STRN: variants seen among roughly 807,000 people sequenced by gnomAD.
STRN encodes protein phosphatase 2 regulatory subunit B'''alpha.
A neutral mutation model predicts 96.3 loss-of-function variants in STRN; 53 were observed. The observed-to-expected ratio is 0.55, with a 90% confidence interval of 0.44 to 0.69. The LOEUF (loss-of-function observed/expected upper bound fraction) is 0.69. Among genes scored for constraint, STRN ranks in the 30% least tolerant of loss-of-function variants. STRN has a pLI of 0.00. For synonymous variants in STRN, 428 were observed against 355.9 expected (o/e 1.20, Z -2.28); for missense variants, 987 against 963.9 (o/e 1.02, Z -0.32).
chr2:36,839,617 A>C lies in STRN; in HGVS notation c.*9839T>G, dbSNP rs1667899062. ...ATCCCCATTTCATAGATGAGAAGCC[A>C]ATTTAGAAGAGTTGACTTGTCTAAA... On this transcript the variant is annotated 3_prime_UTR_variant, in exon 18 of 18. Coordinates refer to ENST00000263918, the MANE Select transcript of STRN (RefSeq NM_003162.4). Among the ~76,000 whole-genome samples the C allele has an allele frequency of 6.6e-6, 1 of 152,208 alleles. No homozygotes were observed. Among genetic ancestry groups the C allele is most frequent in the Non-Finnish European group, 1.5e-5 (1 of 68,028 alleles).
At chr2:36,943,129 A>G (rs1670887306) in intron 1 of STRN, among the ~76,000 whole-genome samples, 1 of 152,206 alleles carries the variant, frequency 6.6e-6, no homozygotes, top group African/African-American at 2.4e-5. Flanking sequence ...AGAGTTCAGT[A>G]AACTATATTT....
At chr2:36,850,566 T>G (rs1056979718) in intron 16 of STRN, among the ~76,000 whole-genome samples, 4 of 152,200 alleles carry the variant, frequency 2.6e-5, no homozygotes, top group African/African-American at 9.7e-5. Context: ...TATTTGGTAA[T>G]GGAATAATTG....
chr2:36,866,337 G>C (rs775058330), intron 12 of STRN, among the ~76,000 whole-genome samples: 15 of 152,172 alleles, frequency 9.9e-5, no homozygotes, highest in Non-Finnish European at 2.1e-4. Flanking sequence ...AAAGTGCTGG[G>C]ATTACAAGCA....
intron 2 of STRN, among the ~76,000 whole-genome samples, chr2:36,924,876 G>T (rs10171853): frequency 0.03 from 4,593 of 152,248 alleles, 80 homozygotes; most frequent in African/African-American, 0.045. Context: ...GACCAACATG[G>T]GGAAACCATG....
intron 1 of STRN, among the ~76,000 whole-genome samples, chr2:36,946,562 C>CGT (rs142362080): frequency 3.3e-5 from 5 of 151,998 alleles, no homozygotes; most frequent in Non-Finnish European, 5.9e-5. Context: ...AAAAATCCCA[C>CGT]GTGTGTGTGT....
At chr2:36,897,984 C>T (rs544880216) in intron 6 of STRN, among the ~76,000 whole-genome samples, 9 of 152,186 alleles carry the variant, frequency 5.9e-5, no homozygotes, top group South Asian at 2.1e-4. Flanking sequence ...AGCCACTGCA[C>T]GCAGCACAGA....
At chr2:36,853,898 C>G (rs1668279743) in intron 15 of STRN, among the ~76,000 whole-genome samples, 1 of 152,090 alleles carries the variant, frequency 6.6e-6, no homozygotes, top group Non-Finnish European at 1.5e-5. Flanking sequence ...GGACATATTA[C>G]AACTCAAAAT....
intron 1 of STRN, among the ~76,000 whole-genome samples, chr2:36,942,456 A>G (rs1247537836): frequency 6.6e-6 from 1 of 152,154 alleles, no homozygotes; most frequent in African/African-American, 2.4e-5. Flanking sequence ...TTGGGTATTT[A>G]GTTTGTTTGT....
Position 36,947,021 on chromosome 2 carries a change from G to C in STRN, c.234+19209C>G, listed in dbSNP as rs552699100. Among the ~76,000 whole-genome samples the C allele has an allele frequency of 4.0e-5, 6 of 151,892 alleles. No individual in the cohort carries two copies. In the South Asian group the frequency reaches 1.2e-3, roughly 32 times the overall value. ...AGTGATTCTCCTTCCTGAGCCTCCT[G>C]AGTAGCAGGGACTACAGGCACGTGC... On this transcript the variant is annotated intron_variant, in intron 1 of 17. Coordinates refer to ENST00000263918, the MANE Select transcript of STRN (RefSeq NM_003162.4).
intron 1 of STRN, among the ~76,000 whole-genome samples, chr2:36,963,632 T>A (rs1186653619): frequency 6.6e-6 from 1 of 152,142 alleles, no homozygotes; most frequent in African/African-American, 2.4e-5. Flanking sequence ...GAAACTTTAA[T>A]TGGAACACAA....
In STRN at chr2:36,877,903, T is replaced by C. The variant is rs763978813; in HGVS notation, c.1311A>G (p.Ser437=). Residue 437 remains serine (S), a synonymous_variant, in exon 10 of 18, where the codon TCA becomes TCG. Coordinates refer to ENST00000263918, the MANE Select transcript of STRN (RefSeq NM_003162.4). The part of the protein sequence containing the change: ...AGLTVANEAD[S]LTYDIANNKD... ...AACTACTACTTACATCATAAGTTAG[T>C]GAGTCTGCTTCATTGGCCACCGTAA... is the stretch of plus-strand genomic sequence containing the variant. 9 of 1,614,102 alleles carry C rather than the reference T, an allele frequency of 5.6e-6. No individual in the cohort carries two copies. In the South Asian group the frequency reaches 8.8e-5, roughly 16 times the overall value.
At chr2:36,856,354 T>C (rs545248537) in intron 14 of STRN, among the ~76,000 whole-genome samples, 20 of 152,344 alleles carry the variant, frequency 1.3e-4, no homozygotes, top group East Asian at 1.9e-4. Flanking sequence ...TGAATGTTCA[T>C]AGCAGCCTTG....
intron 6 of STRN, among the ~76,000 whole-genome samples, chr2:36,896,892 G>C (rs1669554336): frequency 6.6e-6 from 1 of 152,184 alleles, no homozygotes; most frequent in Non-Finnish European, 1.5e-5. Context: ...TAAGGGCCAA[G>C]TGCAGTGACT....
Position 36,877,964 on chromosome 2 carries a change from A to G in STRN, c.1250T>C (p.Leu417Pro). Residue 417 changes from leucine (L) to proline (P), a missense_variant, in exon 10 of 18, where the codon CTT becomes CCT. By Grantham distance (98) the Leu-to-Pro change is moderately conservative. Coordinates refer to ENST00000263918, the MANE Select transcript of STRN (RefSeq NM_003162.4). ...KSFIMGADEA[L>P]ESELGLGELA... ...TTCTCCAAGTCCCAGTTCACTTTCA[A>G]GGGCTTCATCTGCTCCCATGATGAA... The G allele has an allele frequency of 6.2e-7, 1 of 1,614,198 alleles. No individual in the cohort carries two copies. Among genetic ancestry groups the G allele is most frequent in the Non-Finnish European group, 8.5e-7 (1 of 1,180,036 alleles).
chr2:36,885,265 T>G (rs1334597475), intron 8 of STRN, among the ~76,000 whole-genome samples: 1 of 152,156 alleles, frequency 6.6e-6, no homozygotes, highest in Non-Finnish European at 1.5e-5. Context: ...CCTTTCCAAC[T>G]AAAGGATCTT....
chr2:36,936,808 T>C (rs1453632569), intron 1 of STRN, among the ~76,000 whole-genome samples: 1 of 152,178 alleles, frequency 6.6e-6, no homozygotes, highest in East Asian at 1.9e-4. Context: ...ACAGGCTTTC[T>C]TCTTTCTATT....
chr2:36,871,435 C>A (rs1279312012), intron 10 of STRN, among the ~76,000 whole-genome samples: 1 of 152,142 alleles, frequency 6.6e-6, no homozygotes, highest in Non-Finnish European at 1.5e-5. Flanking sequence ...AGTATAGTAA[C>A]ATGCTGTATA....
intron 13 of STRN, among the ~76,000 whole-genome samples, chr2:36,859,032 T>C (rs1343997137): frequency 6.6e-6 from 1 of 152,142 alleles, no homozygotes; most frequent in Non-Finnish European, 1.5e-5. Context: ...AGAAACAGCA[T>C]GATATGCAAG....
intron 2 of STRN, 65 bp from the exon 3 acceptor site, chr2:36,916,216 A>T (rs1670094556): frequency 1.5e-6 from 2 of 1,347,178 alleles, no homozygotes; most frequent in Non-Finnish European, 2.1e-6. Context: ...ACACAATAGT[A>T]GTAGTCACAA....
Sources: gnomAD v4.1 joint callset for allele counts (sites outside exome capture counted in the v4.1 genomes callset) on GRCh38, gnomAD v4.1.1 for gene constraint, MANE v1.5 for transcripts, NCBI Gene and HGNC (gene_info 2026-07-23, HGNC 2026-07-21) for gene names.